GOLGA3: variants seen among roughly 807,000 people sequenced by gnomAD.
GOLGA3 encodes golgin A3.
A neutral mutation model predicts 169.4 loss-of-function variants in GOLGA3; 75 were observed. That is an observed-to-expected ratio of 0.44 (90% CI 0.37 to 0.54). GOLGA3 has a LOEUF of 0.54. GOLGA3 is among the 20% of genes least tolerant of loss of function. The pLI is 0.00. For synonymous variants in GOLGA3, 824 were observed against 822.4 expected, an observed-to-expected ratio of 1.00 and a Z score of -0.03; for missense variants, 1,899 against 1,930.0, an observed-to-expected ratio of 0.98 and a Z score of 0.30.
At chr12:132,823,911 C>G (rs1328228486) in intron 1 of GOLGA3, among the ~76,000 whole-genome samples, 1 of 151,958 alleles carries the variant, frequency 6.6e-6, no homozygotes, top group Admixed American at 6.6e-5. Context: ...GGTGAAACCT[C>G]GTCTCTACTA....
chr12:132,819,219 T>C (rs1323902419), intron 2 of GOLGA3, among the ~76,000 whole-genome samples: 2 of 152,194 alleles, frequency 1.3e-5, no homozygotes, highest in African/African-American at 4.8e-5. Flanking sequence ...ATTTGCTTTT[T>C]GCTCAAGCAA....
chr12:132,798,538 G>A, intron 8 of GOLGA3, 61 bp from the exon 9 acceptor site: 10 of 1,515,350 alleles, frequency 6.6e-6, no homozygotes, highest in Non-Finnish European at 8.9e-6. Flanking sequence ...ATGCAGACCA[G>A]CCTGTCCCTG....
intron 16 of GOLGA3, chr12:132,783,847 A>T (rs2045751409): frequency 1.5e-6 from 2 of 1,376,000 alleles, no homozygotes; most frequent in South Asian, 1.6e-5. Context: ...AAGTGCTGGG[A>T]TTACAGGCAT....
intron 1 of GOLGA3, chr12:132,825,739 GC>G: frequency 6.5e-7 from 1 of 1,547,458 alleles, no homozygotes; most frequent in Non-Finnish European, 8.9e-7. Context: ...ACCAAAAGCA[GC>G]CGACCATCTT....
At chr12:132,788,921 A>ACCCCGCCTCAGACACAGG (rs2046071928) in intron 13 of GOLGA3, 106 bp downstream of exon 13, 1 of 218,786 alleles carries the variant, frequency 4.6e-6, no homozygotes, top group Non-Finnish European at 7.9e-6. Flanking sequence ...ACCCAGACAG[A>ACCCCGCCTCAGACACAGG]CCCCGCCCCA....
chr12:132,807,993 G>A lies in GOLGA3; in HGVS notation c.1076C>T (p.Pro359Leu), dbSNP rs1048311666. 1.2e-6 allele frequency: 2 copies of A among 1,613,338 alleles called. No homozygotes were observed. Among genetic ancestry groups the A allele is most frequent in the Admixed American group, 1.7e-5 (1 of 59,906 alleles). ...GGCCTGGAGGACGTCCTTAATGGAG[G>A]GGAACTGGCCCAGGGTATCCGCAGG... The part of the protein sequence containing the change: ...EIPADTLGQF[P>L]SIKDVLQAAA... Residue 359 changes from proline to leucine, a missense_variant, in exon 5 of 24, where the codon CCC becomes CTC. Physicochemically the swap from Pro to Leu is moderately conservative, Grantham distance 98. Coordinates refer to ENST00000450791, the MANE Select transcript of GOLGA3 (RefSeq NM_001389683.1).
Position 132,789,056 on chromosome 12 carries a change from C to G in GOLGA3, c.2782G>C (p.Glu928Gln), listed in dbSNP as rs565525712. 2 of 1,592,412 alleles carry G rather than the reference C, an allele frequency of 1.3e-6. No individual in the cohort carries two copies. The highest frequency in any genetic ancestry group is 1.7e-6 in the Non-Finnish European group (2 of 1,167,442). The change falls in exon 13 of 24, where the codon GAG becomes CAG. Residue 928 changes from glutamate to glutamine, a missense_variant. Transcript: ENST00000450791. ...AAGTGTGTTTCCATCTCGTCTCGCT[C>G]CTTCTGCGCCGACTGGAGATGCCCT... ...LEGHLQSAQK[E>Q]RDEMETHLQS...
Position 132,782,419 on chromosome 12 carries a change from T to C in GOLGA3, c.3342A>G (p.Leu1114=). ...CCGTAAGCTTCCCTTTCTCGTGCTC[T>C]AATTCAAGAGCCAACTTCTTGTTTG... The part of the protein sequence containing the change: ...EESNKKLALE[L]EHEKGKLTGL... The change falls in exon 17 of 24, where the codon TTA becomes TTG. Residue 1114 remains leucine, a synonymous_variant. Transcript: ENST00000450791. 3 of 1,614,142 alleles carry C rather than the reference T, an allele frequency of 1.9e-6. No individual in the cohort carries two copies. Among genetic ancestry groups the C allele is most frequent in the Non-Finnish European group, 2.5e-6 (3 of 1,179,924 alleles).
Position 132,775,274 on chromosome 12 carries a change from T to A in GOLGA3, c.4010A>T (p.Glu1337Val). 6.2e-7 allele frequency: 1 copy of A among 1,612,066 alleles called. No homozygotes were observed. The highest frequency in any genetic ancestry group is 1.3e-5 in the African/African-American group (1 of 74,966). Residue 1337 changes from glutamate to valine, a missense_variant, in exon 22 of 24, where the codon GAA (glutamate) becomes GTA (valine). Glu to Val is a moderately radical substitution (Grantham distance 121, BLOSUM62 -2). Transcript: ENST00000450791. ...NVKSELEMAQ[E>V]DLSMTQKDKF... ...ATCCTTCTGGGTCATGGACAGGTCTTCCTGGGCCATCTCCAACTCAGACTT... is the reference window on the plus strand; with the variant it reads ...ATCCTTCTGGGTCATGGACAGGTCTACCTGGGCCATCTCCAACTCAGACTT...
chr12:132,798,564 G>A (rs1391944678), intron 8 of GOLGA3, 87 bp from the exon 9 acceptor site: 3 of 1,264,206 alleles, frequency 2.4e-6, no homozygotes, highest in Non-Finnish European at 2.2e-6. Flanking sequence ...CCCAGGGTGA[G>A]GGTCACTGGC....
chr12:132,812,554 G>T (rs997221908), intron 4 of GOLGA3, among the ~76,000 whole-genome samples: 11 of 152,226 alleles, frequency 7.2e-5, no homozygotes, highest in African/African-American at 2.4e-4. Context: ...ATTAACAGGA[G>T]TGTGGAAGAA....
rs1301253184 is a variant in GOLGA3 at position 132,822,102 on chromosome 12, A to G, written c.27T>C (p.Asp9=). The G allele has an allele frequency of 6.2e-7, 1 of 1,608,274 alleles. No homozygotes were observed. The highest frequency in any genetic ancestry group is 1.7e-5 in the Admixed American group (1 of 58,886). ...TGTGGGATCTGTCCTCCTGGAGGCC[A>G]TCTTGCTCGGCCGACGCGCCGTCCA... MDGASAEQ[D]GLQEDRSHSG... Residue 9 remains aspartate, a synonymous_variant, in exon 2 of 24, where the codon GAT becomes GAC. Transcript: ENST00000450791.
In GOLGA3 at chr12:132,804,797, G is replaced by C. The variant is rs747207588; in HGVS notation, c.1516C>G (p.Gln506Glu). 6.2e-7 allele frequency: 1 copy of C among 1,614,216 alleles called. No homozygotes were observed. The highest frequency in any genetic ancestry group is 8.5e-7 in the Non-Finnish European group (1 of 1,180,030). Residue 506 changes from glutamine to glutamate, a missense_variant, in exon 7 of 24, where the codon CAG becomes GAG. Gln to Glu is a conservative substitution (Grantham distance 29). Transcript: ENST00000450791. The surrounding 1 kb of genome is among the most constrained non-coding windows in gnomAD (Gnocchi z 4.1). ...ASLASSNNDL[Q>E]VAEEQYQRLM... ...CTCTGGTACTGCTCCTCGGCCACCT[G>C]CAAGTCGTTGTTGGACGACGCCAGG... is the stretch of plus-strand genomic sequence containing the variant.
In GOLGA3 at chr12:132,786,568, G is replaced by T; in HGVS notation, c.2907-13C>A. ...TTCCGTGATGGCCCTGGGGTGTCAT[G>T]AGGGAGACACAGGAGGAAGCTGAAT... On this transcript the variant is annotated splice_polypyrimidine_tract_variant and intron_variant, in intron 14 of 23. Transcript: ENST00000450791. The T allele has an allele frequency of 6.2e-7, 1 of 1,612,000 alleles. No individual in the cohort carries two copies. The highest frequency in any genetic ancestry group is 8.5e-7 in the Non-Finnish European group (1 of 1,178,512).
Position 132,777,873 on chromosome 12 carries a change from C to G in GOLGA3, c.3583-68G>C. 1.9e-6 allele frequency: 3 copies of G among 1,563,772 alleles called. No individual in the cohort carries two copies. Among genetic ancestry groups the G allele is most frequent in the Non-Finnish European group, 2.6e-6 (3 of 1,149,130 alleles). On this transcript the variant is annotated intron_variant, in intron 18 of 23. Transcript: ENST00000450791. The surrounding 1 kb of genome is among the most constrained non-coding windows in gnomAD (Gnocchi z 4.7). ...CCACAGCTTTATGACGTGCCGGGCG[C>G]AGGGGGTGAATGCACTCCCGGCCCC...
rs773858780 is a variant in GOLGA3, at chr12:132,786,786, G to A, written c.2813C>T (p.Ser938Leu). 107 of 1,605,028 alleles carry A rather than the reference G, an allele frequency of 6.7e-5. No homozygotes were observed. In the Admixed American group the frequency reaches 1.4e-3, roughly 22 times the overall value. Residue 938 changes from serine to leucine, a missense_variant and splice_region_variant, in exon 14 of 24, where the codon TCG becomes TTG. By Grantham distance (145) the Ser-to-Leu change is moderately radical. Coordinates refer to ENST00000450791, the MANE Select transcript of GOLGA3 (RefSeq NM_001389683.1). ...CATCTGCTCCTTATCGAACTGCAAC[G>A]ACTGTGGAAGGGAAGGAGGGCGTGA... ...ERDEMETHLQ[S>L]LQFDKEQMVA...
chr12:132,785,999 C>T (rs994355989), intron 15 of GOLGA3, among the ~76,000 whole-genome samples: 11 of 152,348 alleles, frequency 7.2e-5, no homozygotes, highest in African/African-American at 2.2e-4. Context: ...TCCTGAGATG[C>T]GAGGAGGCGC....
chr12:132,784,066 CGGT>C, intron 16 of GOLGA3, 95 bp downstream of exon 16: 1 of 1,567,072 alleles, frequency 6.4e-7, no homozygotes, highest in Non-Finnish European at 8.6e-7. Context: ...GCTGGGCACA[CGGT>C]GAAGTTTTGT....
intron 1 of GOLGA3, among the ~76,000 whole-genome samples, chr12:132,826,565 G>T (rs1442646849): frequency 6.6e-6 from 1 of 151,784 alleles, no homozygotes; most frequent in Non-Finnish European, 1.5e-5. Context: ...TTCCCCTGCT[G>T]GTGTCCAAGC....
Sources: gnomAD v4.1 joint callset for allele counts (sites outside exome capture counted in the v4.1 genomes callset) on GRCh38, gnomAD v4.1.1 for gene constraint, Gnocchi (gnomAD v3.1) non-coding constraint, MANE v1.5 for transcripts, NCBI Gene and HGNC (gene_info 2026-07-23, HGNC 2026-07-21) for gene names.